The following STXBP5 variants were observed in gnomAD, a reference collection of about 807,000 sequenced individuals.
STXBP5 encodes the protein syntaxin binding protein 5.
Under a neutral mutation model 152.4 loss-of-function variants are expected in STXBP5, and 50 were observed. The observed-to-expected ratio is 0.33, with a 90% confidence interval of 0.26 to 0.42. The LOEUF is 0.42. Ranked by LOEUF, STXBP5 falls within the 10% of genes least tolerant of loss-of-function variation. The pLI, the probability that STXBP5 is intolerant of heterozygous loss-of-function variation, is 1.00. For synonymous variants in STXBP5, 492 were observed against 494.7 expected (o/e 0.99, Z 0.07); for missense variants, 1,167 against 1,388.6 (o/e 0.84, Z 2.54).
chr6:147,370,232 G>A lies in STXBP5; in HGVS notation c.3082-3499G>A, dbSNP rs188885856. 7.3e-4 allele frequency among the ~76,000 whole-genome samples: 111 copies of A among 152,146 alleles called. 2 individuals carry two copies. The highest frequency in any genetic ancestry group is 2.6e-3 in the African/African-American group (108 of 41,558). ...AGCAGATCAGCAATAACTTGGATAT[G>A]GGGTTGTTAAAGAAGGAATGAGAGA... is the stretch of plus-strand genomic sequence containing the variant. On this transcript the variant is annotated intron_variant, in intron 25 of 27. Transcript: ENST00000321680.
intron 2 of STXBP5, among the ~76,000 whole-genome samples, chr6:147,229,788 G>C (rs1221672292): frequency 6.6e-6 from 1 of 151,594 alleles, no homozygotes; most frequent in Non-Finnish European, 1.5e-5. Flanking sequence ...CTATATATGA[G>C]ATTATGTCAC....
rs190650010 is a variant in STXBP5, at chr6:147,323,373, C to T, written c.1803-1586C>T. On this transcript the variant is annotated intron_variant, in intron 16 of 27. Coordinates refer to ENST00000321680, the MANE Select transcript of STXBP5 (RefSeq NM_001127715.4). ...ATCTTCCCCAGATATTTCTTATCAACCTTCATTGGCCTTTAATTCTTCTTT... is the reference window on the plus strand; with the variant it reads ...ATCTTCCCCAGATATTTCTTATCAATCTTCATTGGCCTTTAATTCTTCTTT... Among the ~76,000 whole-genome samples the T allele has an allele frequency of 8.8e-5, 13 of 147,342 alleles. No individual in the cohort carries two copies. The East Asian group carries it at 2.3e-3, about 26-fold the overall frequency.
chr6:147,217,485 ATATT>A (rs1320257109), intron 2 of STXBP5, among the ~76,000 whole-genome samples: 7 of 152,242 alleles, frequency 4.6e-5, no homozygotes, highest in African/African-American at 1.7e-4. Context: ...CTTTAAAAGT[ATATT>A]TATCTATCAA....
intron 16 of STXBP5, among the ~76,000 whole-genome samples, chr6:147,318,913 C>T (rs962546620): frequency 2.0e-5 from 3 of 152,056 alleles, no homozygotes; most frequent in African/African-American, 7.2e-5. Flanking sequence ...TTTTAACTTA[C>T]TGAATTTAAT....
At chr6:147,272,955 A>G (rs1780249049) in intron 7 of STXBP5, among the ~76,000 whole-genome samples, 1 of 152,112 alleles carries the variant, frequency 6.6e-6, no homozygotes, top group African/African-American at 2.4e-5. Flanking sequence ...CTTGGATAGC[A>G]TTCTTAATAT....
chr6:147,319,828 C>CTTTTTT (rs55948948), intron 16 of STXBP5, among the ~76,000 whole-genome samples: 1 of 71,598 alleles, frequency 1.4e-5, no homozygotes, highest in Admixed American at 2.0e-4. Context: ...TATCTGGATT[C>CTTTTTT]TTTTTTTTTT....
intron 2 of STXBP5, among the ~76,000 whole-genome samples, chr6:147,213,399 G>T (rs1402302302): frequency 6.7e-6 from 1 of 150,306 alleles, no homozygotes; most frequent in Admixed American, 6.6e-5. Flanking sequence ...GACCACAGAT[G>T]TGAGCCACCT....
chr6:147,247,871 A>G (rs919231177), intron 4 of STXBP5, among the ~76,000 whole-genome samples: 3 of 152,214 alleles, frequency 2.0e-5, no homozygotes. Context: ...AGACTGTTCT[A>G]GTTCCAAAAG....
chr6:147,308,439 A>G (rs943157273), intron 9 of STXBP5, among the ~76,000 whole-genome samples: 5 of 152,216 alleles, frequency 3.3e-5, no homozygotes, highest in African/African-American at 4.8e-5. Context: ...GAGTAGTGCA[A>G]CACACATTTC....
intron 2 of STXBP5, among the ~76,000 whole-genome samples, chr6:147,210,218 C>A (rs979027098): frequency 1.3e-5 from 2 of 151,984 alleles, no homozygotes; most frequent in African/African-American, 4.8e-5. Context: ...TAAGGTTTTG[C>A]AAGTAAAGTA....
chr6:147,381,022 C>A (rs1786059831), intron 26 of STXBP5, among the ~76,000 whole-genome samples: 1 of 152,110 alleles, frequency 6.6e-6, no homozygotes, highest in African/African-American at 2.4e-5. Flanking sequence ...TGGCAGCAGG[C>A]AAGAGAGCAT....
At chr6:147,322,670 A>G (rs554107809) in intron 16 of STXBP5, among the ~76,000 whole-genome samples, 64 of 152,350 alleles carry the variant, frequency 4.2e-4, no homozygotes, top group African/African-American at 1.4e-3. Context: ...CAGGCTTTGC[A>G]TATGTTTTGC....
chr6:147,217,216 G>GA (rs1012964398), intron 2 of STXBP5, among the ~76,000 whole-genome samples: 20 of 147,576 alleles, frequency 1.4e-4, no homozygotes, highest in East Asian at 3.9e-4. Flanking sequence ...TTTTGAAAAG[G>GA]AAAAAAAAAA....
intron 16 of STXBP5, among the ~76,000 whole-genome samples, chr6:147,323,385 T>C (rs1783038206): frequency 6.6e-6 from 1 of 152,088 alleles, no homozygotes; most frequent in Non-Finnish European, 1.5e-5. Context: ...TTCATTGGCC[T>C]TTAATTCTTC....
intron 9 of STXBP5, among the ~76,000 whole-genome samples, chr6:147,301,633 A>G (rs912236647): frequency 3.9e-5 from 6 of 152,158 alleles, no homozygotes; most frequent in African/African-American, 9.7e-5. Flanking sequence ...AGTCTCTCAA[A>G]ACTAGAATAT....
intron 7 of STXBP5, among the ~76,000 whole-genome samples, chr6:147,273,254 C>T (rs960565381): frequency 6.7e-6 from 1 of 150,018 alleles, no homozygotes; most frequent in African/African-American, 2.5e-5. Flanking sequence ...GTCCTAGCTA[C>T]TTAAGAGGCT....
intron 19 of STXBP5, among the ~76,000 whole-genome samples, chr6:147,338,320 A>G (rs1562255179): frequency 6.6e-6 from 1 of 152,080 alleles, no homozygotes; most frequent in Non-Finnish European, 1.5e-5. Flanking sequence ...TGAGAAATAT[A>G]TAGATAAAAC....
At chr6:147,356,331 C>T (rs1364256117) in intron 22 of STXBP5, among the ~76,000 whole-genome samples, 1 of 151,918 alleles carries the variant, frequency 6.6e-6, no homozygotes, top group Admixed American at 6.6e-5. Context: ...ACTATCACTA[C>T]ATCACAACTG....
At chr6:147,247,266 G>A (rs1052214121) in intron 4 of STXBP5, among the ~76,000 whole-genome samples, 2 of 152,160 alleles carry the variant, frequency 1.3e-5, no homozygotes, top group Non-Finnish European at 1.5e-5. Context: ...TCGTTTCTTT[G>A]AAAACAGCTT....
Sources: gnomAD v4.1 joint callset for allele counts (sites outside exome capture counted in the v4.1 genomes callset) on GRCh38, gnomAD v4.1.1 for gene constraint, MANE v1.5 for transcripts, NCBI Gene and HGNC (gene_info 2026-07-23, HGNC 2026-07-21) for gene names.